Variants in ARB2A observed in about 807,000 individuals in gnomAD.
The protein encoded by ARB2A is cotranscriptional regulator ARB2A.
chr5:93,891,114 G>C, the ARB2A span, among the ~76,000 whole-genome samples: 1 of 152,088 alleles, frequency 6.6e-6, no homozygotes, highest in Admixed American at 6.6e-5. Flanking sequence ...AGTAGAGTTT[G>C]GTTGAATACT....
the ARB2A span, among the ~76,000 whole-genome samples, chr5:93,950,031 A>G: frequency 6.6e-6 from 1 of 152,152 alleles, no homozygotes; most frequent in South Asian, 2.1e-4. Context: ...TGTTGTTGCA[A>G]ATGACAGGAT....
At chr5:93,825,780 T>C in the ARB2A span, among the ~76,000 whole-genome samples, 1 of 151,962 alleles carries the variant, frequency 6.6e-6, no homozygotes, top group Non-Finnish European at 1.5e-5. Flanking sequence ...GATAAAACAA[T>C]GTAATACTAA....
At chr5:94,099,599 T>C in the ARB2A span, among the ~76,000 whole-genome samples, 5 of 119,058 alleles carry the variant, frequency 4.2e-5, no homozygotes, top group African/African-American at 1.7e-4. Flanking sequence ...ACTCTAGTCT[T>C]GGCAACAGTG....
At chr5:93,879,395 TG>T in the ARB2A span, among the ~76,000 whole-genome samples, 1 of 152,116 alleles carries the variant, frequency 6.6e-6, no homozygotes, top group African/African-American at 2.4e-5. Flanking sequence ...ATTATGTGTT[TG>T]GGCCTATTTT....
chr5:93,993,937 G>A, the ARB2A span, among the ~76,000 whole-genome samples: 7 of 151,900 alleles, frequency 4.6e-5, no homozygotes, highest in African/African-American at 1.7e-4. Flanking sequence ...TATTTGGAAA[G>A]AATTATAACA....
At chr5:94,055,705 C>CA in the ARB2A span, 2 of 985,390 alleles carry the variant, frequency 2.0e-6, no homozygotes, top group Non-Finnish European at 2.4e-6. Context: ...GTTTTAATAT[C>CA]AAAAATTGAC....
At chr5:93,679,409 C>T in the ARB2A span, among the ~76,000 whole-genome samples, 5 of 151,898 alleles carry the variant, frequency 3.3e-5, no homozygotes, top group South Asian at 2.1e-4. Context: ...TTATTATCTT[C>T]GATTTTTCAC....
chr5:94,008,716 T>G, the ARB2A span, among the ~76,000 whole-genome samples: 1 of 152,194 alleles, frequency 6.6e-6, no homozygotes, highest in African/African-American at 2.4e-5. Context: ...GATTATATGT[T>G]CTATATAATA....
At chr5:93,984,339 T>G in the ARB2A span, among the ~76,000 whole-genome samples, 1 of 152,182 alleles carries the variant, frequency 6.6e-6, no homozygotes, top group African/African-American at 2.4e-5. Context: ...TGACATTGCA[T>G]CTTTAGCCAC....
chr5:93,932,260 T>A, the ARB2A span, among the ~76,000 whole-genome samples: 1 of 152,140 alleles, frequency 6.6e-6, no homozygotes, highest in Non-Finnish European at 1.5e-5. Context: ...AATAACCTAC[T>A]ACTAAAAAAC....
chr5:93,933,781 T>G, the ARB2A span, among the ~76,000 whole-genome samples: 1 of 151,922 alleles, frequency 6.6e-6, no homozygotes, highest in Non-Finnish European at 1.5e-5. Context: ...CGCACATGTA[T>G]CCCAGAGCTT....
the ARB2A span, among the ~76,000 whole-genome samples, chr5:93,762,436 G>A: frequency 6.6e-6 from 1 of 152,202 alleles, no homozygotes; most frequent in Non-Finnish European, 1.5e-5. Flanking sequence ...CGATCAACTG[G>A]AAGAAAGGGT....
At chr5:93,980,698 C>G in the ARB2A span, among the ~76,000 whole-genome samples, 2 of 152,094 alleles carry the variant, frequency 1.3e-5, no homozygotes, top group African/African-American at 4.8e-5. Flanking sequence ...CCAACTCTCC[C>G]TTCAGCTATG....
chr5:93,848,397 A>G, the ARB2A span, among the ~76,000 whole-genome samples: 15 of 152,070 alleles, frequency 9.9e-5, no homozygotes, highest in East Asian at 7.7e-4. Context: ...TAAAAAAAAA[A>G]AAAAAGAAAA....
the ARB2A span, among the ~76,000 whole-genome samples, chr5:93,908,208 A>G: frequency 6.6e-6 from 1 of 151,210 alleles, no homozygotes; most frequent in Non-Finnish European, 1.5e-5. Context: ...ATAGAAAATT[A>G]GGCTATTATC....
the ARB2A span, among the ~76,000 whole-genome samples, chr5:93,706,889 T>C: frequency 6.7e-6 from 1 of 150,108 alleles, no homozygotes; most frequent in Admixed American, 6.6e-5. Flanking sequence ...GTGGCCAGGA[T>C]TCTTTTTCAC....
chr5:93,941,438 C>T, the ARB2A span, among the ~76,000 whole-genome samples: 1 of 151,988 alleles, frequency 6.6e-6, no homozygotes, highest in Non-Finnish European at 1.5e-5. Flanking sequence ...CAAAAAAGAA[C>T]AACATGACAG....
At chr5:94,020,296 G>C in the ARB2A span, among the ~76,000 whole-genome samples, 1 of 151,906 alleles carries the variant, frequency 6.6e-6, no homozygotes. Context: ...GGCTGGGGAG[G>C]GACAGCATTA....
the ARB2A span, among the ~76,000 whole-genome samples, chr5:93,673,562 T>C: frequency 1.3e-5 from 2 of 152,220 alleles, no homozygotes; most frequent in Middle Eastern, 3.2e-3. Flanking sequence ...AGAATGTATT[T>C]TGCAGTAAAT....
Sources: allele counts gnomAD v4.1 joint callset (sites outside exome capture counted in the v4.1 genomes callset), GRCh38; gene constraint gnomAD v4.1.1; transcripts MANE v1.5; gene names NCBI Gene and HGNC (gene_info 2026-07-23, HGNC 2026-07-21).